ZNF536: variants seen among roughly 807,000 people sequenced by gnomAD.
The protein encoded by ZNF536 is zinc finger protein 536.
A neutral mutation model predicts 84.5 loss-of-function variants in ZNF536; 13 were observed. The ratio of observed to expected loss-of-function variants is 0.15; its 90% confidence interval spans 0.10 to 0.24. ZNF536 has a LOEUF of 0.24. ZNF536 is among the 10% of genes least tolerant of loss of function. The pLI, the probability that ZNF536 is intolerant of heterozygous loss-of-function variation, is 1.00. For missense variants in ZNF536, 1,536 were observed against 1,747.5 expected, an observed-to-expected ratio of 0.88 and a Z score of 2.16; for synonymous variants, 811 against 742.5, an observed-to-expected ratio of 1.09 and a Z score of -1.50.
chr19:30,370,254 G>T (rs1207211488), upstream of ZNF536, among the ~76,000 whole-genome samples: 2 of 152,192 alleles, frequency 1.3e-5, no homozygotes, highest in African/African-American at 4.8e-5. Flanking sequence ...ATACTTTTTA[G>T]GGGAGACCTT....
At chr19:30,256,899 G>A (rs1159805788) in intron 1 of ZNF536, among the ~76,000 whole-genome samples, 1 of 152,156 alleles carries the variant, frequency 6.6e-6, no homozygotes, top group Non-Finnish European at 1.5e-5. Context: ...AAAACTGACA[G>A]CATTTACTTT....
rs556283201 is a variant in ZNF536, at chr19:30,315,715, C to T, written c.-120+31574C>T. Among the ~76,000 whole-genome samples, 89 of 152,290 alleles carry T rather than the reference C, an allele frequency of 5.8e-4. No individual in the cohort carries two copies. The Middle Eastern group carries it at 0.01, about 17-fold the overall frequency. On this transcript the variant is annotated intron_variant, in intron 2 of 5. Coordinates refer to the ZNF536 transcript ENST00000585628. ...TCAACTCTACTTCCAAATCCTTCTCCCATCGATGGAGAAAATTCCTATAAT... is the reference window on the plus strand; with the variant it reads ...TCAACTCTACTTCCAAATCCTTCTCTCATCGATGGAGAAAATTCCTATAAT...
intron 3 of ZNF536, among the ~76,000 whole-genome samples, chr19:30,538,139 A>T (rs1466433287): frequency 6.6e-6 from 1 of 152,228 alleles, no homozygotes; most frequent in Non-Finnish European, 1.5e-5. Context: ...AGAGGCCCTG[A>T]CTGCCTCTCT....
At chr19:30,598,458 GC>G (rs1451786325) in intron 1 of ZNF536, among the ~76,000 whole-genome samples, 1 of 152,078 alleles carries the variant, frequency 6.6e-6, no homozygotes, top group Non-Finnish European at 1.5e-5. Context: ...CCTCTATAAA[GC>G]CACACCAAAT....
chr19:30,303,461 G>T (rs1438217300), intron 2 of ZNF536, among the ~76,000 whole-genome samples: 1 of 152,098 alleles, frequency 6.6e-6, no homozygotes, highest in Non-Finnish European at 1.5e-5. Context: ...AGCCTGGGGG[G>T]TTGTTTCCTG....
At chr19:30,349,549 A>G (rs2047863495) in intron 2 of ZNF536, among the ~76,000 whole-genome samples, 1 of 152,110 alleles carries the variant, frequency 6.6e-6, no homozygotes, top group South Asian at 2.1e-4. Flanking sequence ...CTCATGGCCA[A>G]TGAGAAGCGT....
intron 1 of ZNF536, among the ~76,000 whole-genome samples, chr19:30,439,824 G>A (rs1000631082): frequency 2.0e-5 from 3 of 152,132 alleles, no homozygotes; most frequent in Non-Finnish European, 4.4e-5. Flanking sequence ...GTGTCTCCTA[G>A]TATTCAGCAA....
intron 1 of ZNF536, among the ~76,000 whole-genome samples, chr19:30,704,424 A>G (rs931749326): frequency 8.5e-5 from 13 of 152,126 alleles, no homozygotes; most frequent in Admixed American, 8.5e-4. Context: ...AGGTGGGCGG[A>G]TCACCTGAGG....
intron 1 of ZNF536, among the ~76,000 whole-genome samples, chr19:30,398,157 T>G (rs879518954): frequency 7.2e-5 from 11 of 152,242 alleles, no homozygotes; most frequent in Non-Finnish European, 1.0e-4. Flanking sequence ...TGGCCACTTC[T>G]GTGTCATTTG....
chr19:30,443,961 A>G lies in ZNF536; in HGVS notation c.399A>G (p.Pro133=), dbSNP rs537372243. The G allele has an allele frequency of 1.2e-6, 2 of 1,613,648 alleles. No homozygotes were observed. Among genetic ancestry groups the G allele is most frequent in the Admixed American group, 1.7e-5 (1 of 60,022 alleles). Residue 133 remains proline, a synonymous_variant, in exon 2 of 5, where the codon CCA becomes CCG. Coordinates refer to ENST00000355537, the MANE Select transcript of ZNF536 (RefSeq NM_014717.3). ...GCAAGAACCGCAAGTACCCGTGCCC[A>G]CTCTGCGGCAAGCGCTTCCGCTTCA... ...DARKNRKYPC[P]LCGKRFRFNS... is the part of the protein sequence containing the mutation.
At chr19:30,689,622 C>A (rs1175510807) in intron 1 of ZNF536, among the ~76,000 whole-genome samples, 3 of 152,132 alleles carry the variant, frequency 2.0e-5, no homozygotes, top group Admixed American at 1.3e-4. Flanking sequence ...TGGCCCTGGC[C>A]TTGGGAAGAG....
intron 3 of ZNF536, among the ~76,000 whole-genome samples, chr19:30,367,255 G>A (rs531843053): frequency 4.4e-4 from 67 of 152,284 alleles, no homozygotes; most frequent in African/African-American, 1.6e-3. Context: ...AGGGGAGCGT[G>A]CCGTGGTGAG....
chr19:30,492,480 T>C (rs534296785), intron 2 of ZNF536, among the ~76,000 whole-genome samples: 1 of 152,316 alleles, frequency 6.6e-6, no homozygotes, highest in East Asian at 1.9e-4. Flanking sequence ...TATCAGAACA[T>C]ATTTCAAGAC....
At chr19:30,615,853 G>A (rs1233517350) in intron 1 of ZNF536, among the ~76,000 whole-genome samples, 2 of 151,408 alleles carry the variant, frequency 1.3e-5, no homozygotes, top group Non-Finnish European at 2.9e-5. Context: ...TTTATTTCTG[G>A]GTATATTCTC....
chr19:30,561,846 G>C (rs2046181411), downstream of ZNF536, among the ~76,000 whole-genome samples: 1 of 152,222 alleles, frequency 6.6e-6, no homozygotes, highest in Non-Finnish European at 1.5e-5. Flanking sequence ...GGTATTGCCA[G>C]ATAATCAGAT....
At chr19:30,559,889 G>A (rs1599805707), downstream of ZNF536, among the ~76,000 whole-genome samples, 1 of 152,138 alleles carries the variant, frequency 6.6e-6, no homozygotes, top group East Asian at 1.9e-4. Context: ...CTAAAGCAGG[G>A]GGTATTTCCT....
chr19:30,444,066 G>T lies in ZNF536; in HGVS notation c.504G>T (p.Ala168=). The T allele has an allele frequency of 6.2e-7, 1 of 1,613,456 alleles. No homozygotes were observed. ...FKCPYCDHRA[A]QKGNLKIHLR... ...GCCCGTACTGCGACCACAGGGCGGC[G>T]CAGAAGGGGAACCTCAAGATTCACC... Residue 168 remains alanine, a synonymous_variant, in exon 2 of 5, where the codon GCG becomes GCT. Coordinates refer to ENST00000355537, the MANE Select transcript of ZNF536 (RefSeq NM_014717.3).
At chr19:30,427,573 C>T (rs2051270760) in intron 1 of ZNF536, among the ~76,000 whole-genome samples, 1 of 151,950 alleles carries the variant, frequency 6.6e-6, no homozygotes, top group South Asian at 2.1e-4. Flanking sequence ...AGCCGGTTGG[C>T]TTTCTTGGCA....
At chr19:30,604,534 G>A (rs909789875) in intron 1 of ZNF536, among the ~76,000 whole-genome samples, 1 of 152,190 alleles carries the variant, frequency 6.6e-6, no homozygotes, top group Non-Finnish European at 1.5e-5. Context: ...AGGAGTTTTT[G>A]TGGAGTGCTA....
Sources: allele counts gnomAD v4.1 joint callset (sites outside exome capture counted in the v4.1 genomes callset), GRCh38; gene constraint gnomAD v4.1.1; transcripts MANE v1.5; gene names NCBI Gene and HGNC (gene_info 2026-07-23, HGNC 2026-07-21).